The following VPS53 variants were observed in gnomAD, a reference collection of about 807,000 sequenced individuals.
The protein encoded by VPS53 is vacuolar protein sorting-associated protein 53 homolog.
In VPS53, 70 loss-of-function variants were observed where a neutral mutation model predicts 107.0. The ratio of observed to expected loss-of-function variants is 0.65; its 90% CI spans 0.54 to 0.80. The LOEUF is 0.80. Ranked by LOEUF, VPS53 falls within the 30% of genes least tolerant of loss-of-function variation. The pLI is 0.00. For missense variants in VPS53, 917 were observed against 1,049.4 expected, an observed-to-expected ratio of 0.87 and a Z score of 1.74; for synonymous variants, 409 against 393.3, an observed-to-expected ratio of 1.04 and a Z score of -0.47.
At chr17:685,157 A>C (rs1368353130) in intron 4 of VPS53, 1 of 152,208 alleles carries the variant, frequency 6.6e-6, no homozygotes, top group East Asian at 1.9e-4. Flanking sequence ...GAAAGCGGGC[A>C]GCTTTGAGTC....
chr17:561,553 G>C (rs12940705), intron 14 of VPS53, among the ~76,000 whole-genome samples: 5 of 152,258 alleles, frequency 3.3e-5, no homozygotes, highest in Middle Eastern at 3.4e-3. Context: ...CACACATTAG[G>C]TATCTATCAA....
intron 4 of VPS53, among the ~76,000 whole-genome samples, chr17:669,751 G>T (rs1971860271): frequency 1.3e-5 from 2 of 151,828 alleles, no homozygotes; most frequent in Admixed American, 1.3e-4. Flanking sequence ...AATTAGCTGG[G>T]TGTGGTGGCG....
chr17:598,691 C>CG (rs944890721), intron 12 of VPS53, among the ~76,000 whole-genome samples: 1 of 123,398 alleles, frequency 8.1e-6, no homozygotes, highest in African/African-American at 2.7e-5. Context: ...TGCCCGGCCG[C>CG]CCCGTCTGAG....
chr17:714,751 C>A lies in VPS53; in HGVS notation c.-42G>T. 6.2e-7 allele frequency: 1 copy of A among 1,609,368 alleles called. No individual in the cohort carries two copies. The stretch of plus-strand genomic sequence containing the variant: ...CTGCCGACCCCCGCCGCGAGCCCAA[C>A]TCAGGCCTCCAGCCGCCACCCAGGC... On this transcript the variant is annotated 5_prime_UTR_variant, in exon 1 of 22. Coordinates refer to ENST00000437048, the MANE Select transcript of VPS53 (RefSeq NM_001128159.3).
chr17:660,247 G>A (rs768865721), intron 5 of VPS53, among the ~76,000 whole-genome samples: 20 of 152,188 alleles, frequency 1.3e-4, no homozygotes, highest in Non-Finnish European at 2.2e-4. Flanking sequence ...TATAAGATGG[G>A]TAATCGCAAA....
intron 5 of VPS53, among the ~76,000 whole-genome samples, chr17:657,999 T>C (rs28589352): frequency 8.5e-4 from 42 of 49,384 alleles, no homozygotes; most frequent in Admixed American, 1.2e-3. Context: ...TAAAGTGAGA[T>C]ACTCGGCCGT....
intron 5 of VPS53, chr17:656,700 A>G (rs555854868): frequency 0.018 from 10,192 of 554,456 alleles, 69 homozygotes; most frequent in South Asian, 0.028. Context: ...TGACTAAGAA[A>G]TGTGTGTGTG....
intron 8 of VPS53, among the ~76,000 whole-genome samples, chr17:630,272 A>G (rs374729607): frequency 6.6e-6 from 1 of 152,102 alleles, no homozygotes; most frequent in South Asian, 2.1e-4. Context: ...AGCCTGGGCC[A>G]AAGAGTGAAA....
chr17:702,607 G>C (rs575841978), intron 2 of VPS53, among the ~76,000 whole-genome samples: 1 of 151,930 alleles, frequency 6.6e-6, no homozygotes, highest in Non-Finnish European at 1.5e-5. Context: ...CAGAGGTTGC[G>C]GTGAGCCGAG....
At chr17:669,592 T>TAAAAAAAAAAAAAAAAAAAAAAAAA (rs200157618) in intron 4 of VPS53, among the ~76,000 whole-genome samples, 1 of 110,272 alleles carries the variant, frequency 9.1e-6, no homozygotes, top group African/African-American at 3.3e-5. Flanking sequence ...TACTCTGTCT[T>TAAAAAAAAAAAAAAAAAAAAAAAAA]AAAAAAAAAA....
At chr17:656,894 C>A (rs892899254) in intron 5 of VPS53, 2 of 1,535,230 alleles carry the variant, frequency 1.3e-6, no homozygotes, top group South Asian at 1.1e-5. Context: ...TCGTTTGTTG[C>A]CCTTGCCAAT....
In VPS53 at chr17:699,368, T is replaced by C. The variant is rs1348848470; in HGVS notation, c.181A>G (p.Ile61Val). The C allele has an allele frequency of 6.4e-6, 10 of 1,572,038 alleles. No individual in the cohort carries two copies. Among genetic ancestry groups the C allele is most frequent in the Non-Finnish European group, 8.6e-6 (10 of 1,163,694 alleles). Residue 61 changes from isoleucine (I) to valine (V), a missense_variant, in exon 3 of 22, where the codon ATA becomes GTA. By Grantham distance (29) the Ile-to-Val change is conservative. Coordinates refer to ENST00000437048, the MANE Select transcript of VPS53 (RefSeq NM_001128159.3). The part of the protein sequence containing the change: ...LFPTEQSLAN[I>V]DEVVNKIRLK... ...CTAATTTTGTTCACGACTTCGTCTA[T>C]GTTCGCCAGAGACTACAATAAAGAA...
chr17:551,000 A>G (rs1215784970), intron 17 of VPS53, among the ~76,000 whole-genome samples: 2 of 152,222 alleles, frequency 1.3e-5, no homozygotes, highest in Non-Finnish European at 2.9e-5. Flanking sequence ...GCACTAATGA[A>G]AACACCCATT....
chr17:514,435 GTGCTCTTCC>G lies in VPS53; in HGVS notation c.*4684_*4692del. 2 of 124,646 alleles carry G rather than the reference GTGCTCTTCC, an allele frequency of 1.6e-5. No individual in the cohort carries two copies. The highest frequency in any genetic ancestry group is 3.4e-5 in the African/African-American group (1 of 29,046). The allele number at this position is 124,646 out of a possible 1,614,324, so 7.7% of individuals were successfully genotyped here. A position where few individuals can be genotyped will look rare whatever the true frequency, so the allele number is the denominator to read the frequency against. On this transcript the variant is annotated 3_prime_UTR_variant, in exon 22 of 22. Transcript: ENST00000437048. The stretch of plus-strand genomic sequence containing the variant: ...TCCCATTTCCAGCAGGTTATTCTGA[GTGCTCTTCC>G]TAGCCAAGGAATCCCATTTCCAGCA...
At chr17:667,072 T>G (rs1377904118) in intron 4 of VPS53, among the ~76,000 whole-genome samples, 1 of 152,204 alleles carries the variant, frequency 6.6e-6, no homozygotes, top group African/African-American at 2.4e-5. Flanking sequence ...TGATGGCCTG[T>G]GGGCTGAAGC....
chr17:670,648 T>G (rs143832576), intron 4 of VPS53, among the ~76,000 whole-genome samples: 2 of 152,342 alleles, frequency 1.3e-5, no homozygotes, highest in Non-Finnish European at 2.9e-5. Flanking sequence ...CAGGTCCATC[T>G]AATTTTGCAG....
rs2151785986 is a variant in VPS53 at position 514,547 on chromosome 17, AC to A, written c.*4580del. On this transcript the variant is annotated 3_prime_UTR_variant, in exon 22 of 22. Transcript: ENST00000437048. ...TCTGAGTGCTCTTCCTAGGGAAGGAACCCCATTTCCAGCAGGTTATTCCGAG... is the reference window on the plus strand; with the variant it reads ...TCTGAGTGCTCTTCCTAGGGAAGGAACCCATTTCCAGCAGGTTATTCCGAG... 6.6e-6 allele frequency: 1 copy of A among 152,060 alleles called. No individual in the cohort carries two copies. Among genetic ancestry groups the A allele is most frequent in the East Asian group, 1.9e-4 (1 of 5,144 alleles). 9.4% of individuals were successfully genotyped at this position (152,060 alleles called of 1,614,324 possible). A position where few individuals can be genotyped will look rare whatever the true frequency, so the allele number is the denominator to read the frequency against.
At chr17:600,282 C>T (rs750803116) in intron 12 of VPS53, among the ~76,000 whole-genome samples, 1 of 152,210 alleles carries the variant, frequency 6.6e-6, no homozygotes, top group African/African-American at 2.4e-5. Flanking sequence ...TCGGACATGA[C>T]CATGGCAGCT....
chr17:699,908 G>T (rs1176377661), intron 2 of VPS53, among the ~76,000 whole-genome samples: 1 of 152,210 alleles, frequency 6.6e-6, no homozygotes, highest in Non-Finnish European at 1.5e-5. Context: ...CCTGTTAGAA[G>T]CTAGGACAGT....
Sources: allele counts gnomAD v4.1 joint callset (sites outside exome capture counted in the v4.1 genomes callset), GRCh38; gene constraint gnomAD v4.1.1; transcripts MANE v1.5; gene names NCBI Gene and HGNC (gene_info 2026-07-23, HGNC 2026-07-21).